DAB1: variants seen among roughly 807,000 people sequenced by gnomAD.
DAB1 encodes disabled homolog 1.
Under a neutral mutation model 64.6 loss-of-function variants are expected in DAB1, and 15 were observed. The observed-to-expected ratio is 0.23, with a 90% CI of 0.16 to 0.36. The LOEUF is 0.36. DAB1 is among the 10% of genes least tolerant of loss of function. The probability of loss-of-function intolerance (pLI) is 1.00; values close to 1 mark genes in which losing one functional copy is unlikely to be tolerated. For missense variants in DAB1, 596 were observed against 706.7 expected (o/e 0.84, Z 1.78); for synonymous variants, 235 against 251.9 (o/e 0.93, Z 0.64).
chr1:57,352,904 G>A (rs1678700697), intron 1 of DAB1, among the ~76,000 whole-genome samples: 1 of 151,984 alleles, frequency 6.6e-6, no homozygotes, highest in Non-Finnish European at 1.5e-5. Flanking sequence ...TAGACCAGCA[G>A]CCCCAAACAA....
At chr1:58,056,425 T>C (rs1431185577) in intron 5 of DAB1, 2 of 1,556,152 alleles carry the variant, frequency 1.3e-6, no homozygotes, top group Admixed American at 3.3e-5. Context: ...GCGAATAGGC[T>C]GCACGTGGCC....
Position 58,219,025 on chromosome 1 carries a change from C to CTCTCTCTCTGTGTG in DAB1, n.310-68438_310-68437insCACACAGAGAGAGA, listed in dbSNP as rs376130413. On this transcript the variant is annotated intron_variant and non_coding_transcript_variant, in intron 4 of 20. Coordinates refer to the DAB1 transcript ENST00000485760. ...TCTCTCTCTCTCTCTCTCTCTCTCT[C>CTCTCTCTCTGTGTG]TGTGTGTGTGTGTGTGTGTTTCAAT... Among the ~76,000 whole-genome samples, 223 of 129,548 alleles carry CTCTCTCTCTGTGTG rather than the reference C, an allele frequency of 1.7e-3. 4 individuals are homozygous for CTCTCTCTCTGTGTG. Among genetic ancestry groups the CTCTCTCTCTGTGTG allele is most frequent in the African/African-American group, 6.7e-3 (214 of 32,020 alleles). 85.0% of individuals were successfully genotyped at this position (129,548 alleles called of 152,430 possible).
intron 7 of DAB1, among the ~76,000 whole-genome samples, chr1:57,447,113 A>G (rs1311165448): frequency 2.6e-5 from 4 of 152,236 alleles, no homozygotes; most frequent in Admixed American, 1.3e-4. Context: ...CTCACAGAAT[A>G]ATGGAAGATA....
At chr1:58,017,957 T>G (rs985741869) in intron 5 of DAB1, among the ~76,000 whole-genome samples, 5 of 152,200 alleles carry the variant, frequency 3.3e-5, no homozygotes, top group Admixed American at 1.3e-4. Context: ...AATTTCTCTT[T>G]AACCTTTCAT....
At chr1:57,203,298 T>A (rs1452762477) in intron 2 of DAB1, among the ~76,000 whole-genome samples, 1 of 152,218 alleles carries the variant, frequency 6.6e-6, no homozygotes, top group Non-Finnish European at 1.5e-5. Flanking sequence ...CTTTGCTTCC[T>A]CAGCTTCTCC....
At chr1:57,782,193 C>T (rs1434980311) in intron 6 of DAB1, among the ~76,000 whole-genome samples, 2 of 152,030 alleles carry the variant, frequency 1.3e-5, no homozygotes, top group African/African-American at 4.8e-5. Context: ...TTTCTTCCAA[C>T]AAGAATGAAA....
chr1:58,280,765 G>A (rs1003349909), intron 4 of DAB1, among the ~76,000 whole-genome samples: 3 of 152,306 alleles, frequency 2.0e-5, no homozygotes, highest in East Asian at 3.9e-4. Flanking sequence ...ATTGAGGAGG[G>A]TTTCAAATGA....
chr1:57,882,313 G>A (rs1320601515), intron 1 of DAB1, among the ~76,000 whole-genome samples: 1 of 152,096 alleles, frequency 6.6e-6, no homozygotes, highest in Non-Finnish European at 1.5e-5. Flanking sequence ...ATGTGGGAGG[G>A]GGCACAGGGC....
intron 6 of DAB1, among the ~76,000 whole-genome samples, chr1:57,728,894 T>C (rs1042151503): frequency 5.9e-5 from 9 of 152,168 alleles, no homozygotes; most frequent in African/African-American, 1.9e-4. Flanking sequence ...GATGACGTAT[T>C]TGAAACATCA....
intron 2 of DAB1, among the ~76,000 whole-genome samples, chr1:58,524,578 G>A (rs915089230): frequency 2.0e-5 from 3 of 152,202 alleles, no homozygotes; most frequent in Non-Finnish European, 4.4e-5. Context: ...CATGCTTGCT[G>A]GTAGAGTTGC....
chr1:58,372,112 C>A (rs546096221), intron 3 of DAB1, among the ~76,000 whole-genome samples: 1 of 152,154 alleles, frequency 6.6e-6, no homozygotes, highest in Non-Finnish European at 1.5e-5. Flanking sequence ...TGACAGCTTG[C>A]GCCAGGCACT....
intron 2 of DAB1, among the ~76,000 whole-genome samples, chr1:57,199,814 T>C (rs942768926): frequency 6.6e-6 from 1 of 151,966 alleles, no homozygotes; most frequent in Non-Finnish European, 1.5e-5. Context: ...ATGAGGAGAG[T>C]GATCAGGACT....
chr1:58,371,610 G>A (rs766821369), intron 3 of DAB1, among the ~76,000 whole-genome samples: 2 of 152,198 alleles, frequency 1.3e-5, no homozygotes, highest in African/African-American at 2.4e-5. Flanking sequence ...ATGTCTCCAG[G>A]GCATTTCAGA....
intron 6 of DAB1, among the ~76,000 whole-genome samples, chr1:57,675,175 A>C (rs2101689031): frequency 6.6e-6 from 1 of 152,312 alleles, no homozygotes; most frequent in Non-Finnish European, 1.5e-5. Context: ...AGTAAGAAAA[A>C]CCAAACTTTG....
At chr1:58,089,130 T>TC in intron 5 of DAB1, among the ~76,000 whole-genome samples, 1 of 152,354 alleles carries the variant, frequency 6.6e-6, no homozygotes, top group Non-Finnish European at 1.5e-5. Flanking sequence ...GCCATTTTTT[T>TC]CCCACCATAT....
chr1:57,669,859 T>A (rs564457326), intron 6 of DAB1, among the ~76,000 whole-genome samples: 7 of 152,282 alleles, frequency 4.6e-5, no homozygotes, highest in African/African-American at 1.7e-4. Flanking sequence ...TGAAAAACAG[T>A]ACAGGGATTT....
At chr1:57,180,303 T>G (rs1263352967) in intron 2 of DAB1, among the ~76,000 whole-genome samples, 1 of 152,238 alleles carries the variant, frequency 6.6e-6, no homozygotes, top group African/African-American at 2.4e-5. Context: ...CAGACTGTTT[T>G]GGCTAGTAAC....
intron 5 of DAB1, among the ~76,000 whole-genome samples, chr1:58,114,950 C>A (rs993481823): frequency 2.0e-5 from 3 of 152,054 alleles, no homozygotes; most frequent in African/African-American, 7.2e-5. Flanking sequence ...TTAAATTACT[C>A]CAAAAGCAAT....
At chr1:57,081,777 C>T (rs558891194) in intron 4 of DAB1, among the ~76,000 whole-genome samples, 2 of 151,964 alleles carry the variant, frequency 1.3e-5, no homozygotes, top group Non-Finnish European at 2.9e-5. Flanking sequence ...CAAGTGTATG[C>T]CTGGTTTATT....
Sources: gnomAD v4.1 joint callset for allele counts (sites outside exome capture counted in the v4.1 genomes callset) on GRCh38, gnomAD v4.1.1 for gene constraint, MANE v1.5 for transcripts, NCBI Gene and HGNC (gene_info 2026-07-23, HGNC 2026-07-21) for gene names.